Variants in USP42 observed in about 807,000 individuals in gnomAD.
USP42 encodes the protein ubiquitin carboxyl-terminal hydrolase 42.
USP42 carries 23 observed loss-of-function variants against 113.0 expected under a neutral mutation model. The observed-to-expected ratio is 0.20, with a 90% confidence interval of 0.15 to 0.29. The LOEUF is 0.29. USP42 is among the 10% of genes least tolerant of loss of function. USP42 has a pLI of 1.00. For synonymous variants in USP42, 933 were observed against 699.0 expected (o/e 1.33, Z -5.28); for missense variants, 2,174 against 1,779.8 (o/e 1.22, Z -3.99).
At chr7:6,135,773 G>T (rs1781108087) in intron 3 of USP42, 68 bp from the exon 4 acceptor site, 5 of 738,878 alleles carry the variant, frequency 6.8e-6, no homozygotes, top group East Asian at 3.7e-5. Flanking sequence ...CCCCTGATTT[G>T]TAATTAGCCT....
intron 12 of USP42, 134 bp downstream of exon 12, chr7:6,148,026 CT>C: frequency 1.0e-6 from 1 of 979,110 alleles, no homozygotes; most frequent in Non-Finnish European, 1.5e-6. Flanking sequence ...ATCAAACCCT[CT>C]TACACAGTAT....
intron 4 of USP42, 53 bp downstream of exon 4, chr7:6,136,004 T>A: frequency 2.6e-5 from 13 of 494,392 alleles, no homozygotes; most frequent in East Asian, 1.1e-4. Context: ...TAGTTATACT[T>A]TTTTTTTTTT....
At chr7:6,156,014 C>T (rs1782428727) in intron 15 of USP42, among the ~76,000 whole-genome samples, 2 of 152,170 alleles carry the variant, frequency 1.3e-5, no homozygotes, top group African/African-American at 4.8e-5. Context: ...GCACTGGGAT[C>T]ACAGGCATGA....
chr7:6,154,488 C>G lies in USP42; in HGVS notation c.2934C>G (p.His978Gln). ...ESRSKTEGHRHRRRRTCPRER... is the reference protein window; with the variant it reads ...ESRSKTEGHRQRRRRTCPRER... The stretch of plus-strand genomic sequence containing the variant: ...GGAGCAAGACTGAGGGCCACCGTCA[C>G]CGGCGGCGCCGCACCTGCCCCCGGG... The change falls in exon 15 of 18, where the codon CAC (histidine) becomes CAG (glutamine). Residue 978 changes from histidine to glutamine, a missense_variant. By Grantham distance (24) the His-to-Gln change is conservative. Coordinates refer to ENST00000306177, the MANE Select transcript of USP42 (RefSeq NM_032172.3). 1.3e-6 allele frequency: 2 copies of G among 1,546,974 alleles called. No individual in the cohort carries two copies. The highest frequency in any genetic ancestry group is 1.2e-5 in the South Asian group (1 of 83,982).
chr7:6,123,620 G>A (rs896375794), intron 3 of USP42, among the ~76,000 whole-genome samples: 2 of 151,858 alleles, frequency 1.3e-5, no homozygotes, highest in South Asian at 2.1e-4. Flanking sequence ...CCGAGATCGC[G>A]CCACTGCACT....
chr7:6,141,196 CTTTTCTTTTTT>C (rs1170973333), intron 7 of USP42, among the ~76,000 whole-genome samples: 56 of 131,844 alleles, frequency 4.2e-4, no homozygotes, highest in Admixed American at 2.1e-3. Flanking sequence ...TTTTCTTTTT[CTTTTCTTTTTT>C]TTTTTTTTTT....
intron 14 of USP42, 71 bp downstream of exon 14, chr7:6,150,577 G>A: frequency 1.6e-6 from 2 of 1,255,240 alleles, no homozygotes; most frequent in Non-Finnish European, 2.3e-6. Context: ...AGATGTGTCA[G>A]TATTTGAATG....
In USP42 at chr7:6,137,205, C is replaced by T. The variant is rs752842085; in HGVS notation, c.553+1254C>T. On this transcript the variant is annotated intron_variant, in intron 4 of 17. Transcript: ENST00000306177. ...ACAGTAACAAACTGTAATCTTTTTG[C>T]CTAGAAAGCCACTGAAGATTAAAGA... Among the ~76,000 whole-genome samples the T allele has an allele frequency of 1.7e-4, 26 of 152,204 alleles. 1 individual carries two copies. Among genetic ancestry groups the T allele is most frequent in the South Asian group, 8.3e-4 (4 of 4,826 alleles).
chr7:6,090,801 CATAT>C, the USP42 span, among the ~76,000 whole-genome samples: 822 of 145,690 alleles, frequency 5.6e-3, 57 homozygotes, highest in African/African-American at 0.02. Context: ...ATATATATAA[CATAT>C]AGTTATATAT....
chr7:6,110,933 A>G (rs1779564842), intron 1 of USP42, among the ~76,000 whole-genome samples, 192 bp from the exon 2 acceptor site: 1 of 152,236 alleles, frequency 6.6e-6, no homozygotes, highest in Admixed American at 6.5e-5. Flanking sequence ...TGACATTCAG[A>G]TTATCATGAT....
At chr7:6,127,739 C>T in intron 3 of USP42, among the ~76,000 whole-genome samples, 1 of 152,118 alleles carries the variant, frequency 6.6e-6, no homozygotes, top group East Asian at 1.9e-4. Context: ...ATAGTTTCGG[C>T]TATTCTAGTT....
chr7:6,100,495 A>G (rs1401008874), upstream of USP42, among the ~76,000 whole-genome samples: 3 of 149,974 alleles, frequency 2.0e-5, no homozygotes, highest in East Asian at 3.9e-4. Context: ...ATGCCCGGCT[A>G]ATTTTTGTAT....
intron 3 of USP42, chr7:6,128,139 G>A (rs1276097815): frequency 6.6e-6 from 1 of 151,822 alleles, no homozygotes; most frequent in Non-Finnish European, 1.5e-5. Context: ...CTTTTGTAGA[G>A]ATTTGGTCTC....
chr7:6,093,597 C>A, the USP42 span, among the ~76,000 whole-genome samples: 3 of 149,944 alleles, frequency 2.0e-5, no homozygotes, highest in African/African-American at 5.0e-5. Context: ...TTTTTTCTTT[C>A]TTTCACCTTG....
At chr7:6,081,987 TAA>T in the USP42 span, among the ~76,000 whole-genome samples, 1 of 152,076 alleles carries the variant, frequency 6.6e-6, no homozygotes, top group African/African-American at 2.4e-5. Context: ...AATAAAAATA[TAA>T]GTTCCAAATA....
chr7:6,111,234 G>T lies in USP42; in HGVS notation c.101G>T (p.Gly34Val), dbSNP rs777930136. 5 of 1,609,754 alleles carry T rather than the reference G, an allele frequency of 3.1e-6. No individual in the cohort carries two copies. The highest frequency in any genetic ancestry group is 4.2e-6 in the Non-Finnish European group (5 of 1,177,870). ...GTCTCACCTGGAGACATGGATGCAG[G>T]TTCTGCCAGCTGGGGTGCTGTGTCT... ...EAVSPGDMDA[G>V]SASWGAVSSL... Residue 34 changes from glycine to valine, a missense_variant, in exon 2 of 18, where the codon GGT (glycine) becomes GTT (valine). By Grantham distance (109) the Gly-to-Val change is moderately radical. Transcript: ENST00000306177.
In USP42 at chr7:6,150,275, T is replaced by G. The variant is rs761160266; in HGVS notation, c.2079T>G (p.Phe693Leu). 26 of 1,613,310 alleles carry G rather than the reference T, an allele frequency of 1.6e-5. No individual in the cohort carries two copies. Among genetic ancestry groups the G allele is most frequent in the Non-Finnish European group, 2.1e-5 (25 of 1,179,778 alleles). ...GQPALHSENP[F>L]AKANGLPGKL... is the part of the protein sequence containing the mutation. ...CTGCCCTGCACTCAGAAAATCCCTT[T>G]GCTAAGGCAAACGGTCTTCCTGGAA... is the stretch of plus-strand genomic sequence containing the variant. Residue 693 changes from phenylalanine to leucine, a missense_variant, in exon 13 of 18, where the codon TTT becomes TTG. Transcript: ENST00000306177.
In USP42 at chr7:6,149,694, G is replaced by A. The variant is rs1781923823; in HGVS notation, c.1498G>A (p.Ala500Thr). 3.7e-6 allele frequency: 6 copies of A among 1,613,866 alleles called. No individual in the cohort carries two copies. The highest frequency in any genetic ancestry group is 5.1e-6 in the Non-Finnish European group (6 of 1,179,892). Residue 500 changes from alanine to threonine, a missense_variant, in exon 13 of 18, where the codon GCT (alanine) becomes ACT (threonine). Transcript: ENST00000306177. The part of the protein sequence containing the change: ...VNRASPVNAS[A>T]SVQNWSVNRS... ...CAGGGCTAGTCCTGTTAATGCTTCA[G>A]CTTCTGTCCAAAACTGGTCAGTTAA...
At chr7:6,143,392 T>A (rs1420849945) in intron 8 of USP42, among the ~76,000 whole-genome samples, 1 of 152,168 alleles carries the variant, frequency 6.6e-6, no homozygotes, top group Admixed American at 6.5e-5. Context: ...GGGGAGTCAC[T>A]TTCTTCTGGG....
Sources: gnomAD v4.1 joint callset for allele counts (sites outside exome capture counted in the v4.1 genomes callset) on GRCh38, gnomAD v4.1.1 for gene constraint, MANE v1.5 for transcripts, NCBI Gene and HGNC (gene_info 2026-07-23, HGNC 2026-07-21) for gene names.